The following ANKS1B variants were observed in gnomAD, a reference collection of about 807,000 sequenced individuals.
ANKS1B encodes ankyrin repeat and sterile alpha motif domain-containing protein 1B.
A neutral mutation model predicts 148.3 loss-of-function variants in ANKS1B; 36 were observed. The ratio of observed to expected loss-of-function variants is 0.24; its 90% CI spans 0.19 to 0.32. The LOEUF is 0.32. ANKS1B is among the 10% of genes least tolerant of loss of function. The pLI is 1.00. For synonymous variants in ANKS1B, 542 were observed against 560.8 expected, an observed-to-expected ratio of 0.97 and a Z score of 0.47; for missense variants, 1,157 against 1,542.6, an observed-to-expected ratio of 0.75 and a Z score of 4.19.
At chr12:99,163,410 T>C (rs1325092065) in intron 14 of ANKS1B, among the ~76,000 whole-genome samples, 5 of 152,030 alleles carry the variant, frequency 3.3e-5, no homozygotes, top group East Asian at 3.9e-4. Flanking sequence ...AGCCAGGTCA[T>C]TGGCACTGAA....
intron 17 of ANKS1B, among the ~76,000 whole-genome samples, chr12:98,850,459 A>AT (rs59294440): frequency 0.087 from 6,055 of 69,912 alleles, 1,446 homozygotes; most frequent in Middle Eastern, 0.15. Flanking sequence ...GAAGCATTGC[A>AT]TTTTTTTTTT....
chr12:99,374,361 C>T (rs921935144), intron 12 of ANKS1B, among the ~76,000 whole-genome samples: 2 of 152,068 alleles, frequency 1.3e-5, no homozygotes, highest in Admixed American at 1.3e-4. Context: ...TGGTTTCCTC[C>T]CACATCCCAG....
chr12:99,957,015 C>G (rs1194958631), intron 1 of ANKS1B, among the ~76,000 whole-genome samples: 1 of 152,206 alleles, frequency 6.6e-6, no homozygotes, highest in East Asian at 1.9e-4. Flanking sequence ...ACAGAGCTGG[C>G]TTTGAACCCA....
intron 9 of ANKS1B, among the ~76,000 whole-genome samples, chr12:99,558,928 T>A (rs1310167598): frequency 6.6e-6 from 1 of 152,174 alleles, no homozygotes; most frequent in African/African-American, 2.4e-5. Flanking sequence ...CTCAAGTGTC[T>A]GTGGGGATTG....
chr12:99,462,560 A>G (rs564397862), intron 10 of ANKS1B, among the ~76,000 whole-genome samples: 8 of 152,194 alleles, frequency 5.3e-5, no homozygotes, highest in Non-Finnish European at 1.0e-4. Flanking sequence ...GATTGAACTC[A>G]GTTGTTCTCA....
At chr12:98,789,718 A>G (rs1184563598) in intron 22 of ANKS1B, among the ~76,000 whole-genome samples, 2 of 152,232 alleles carry the variant, frequency 1.3e-5, no homozygotes, top group Non-Finnish European at 2.9e-5. Flanking sequence ...AGAATTGGAA[A>G]TGACAGAATG....
chr12:99,318,934 T>A (rs1200628638), intron 12 of ANKS1B, among the ~76,000 whole-genome samples: 1 of 152,174 alleles, frequency 6.6e-6, no homozygotes, highest in East Asian at 1.9e-4. Context: ...ATGTACCCAG[T>A]AGTCATTCAG....
intron 10 of ANKS1B, among the ~76,000 whole-genome samples, chr12:99,453,526 C>G (rs954442723): frequency 2.0e-5 from 3 of 152,106 alleles, no homozygotes; most frequent in Non-Finnish European, 4.4e-5. Context: ...TTAACAGCCA[C>G]GAGTTAGCTT....
At chr12:99,035,428 C>T (rs987651095) in intron 17 of ANKS1B, among the ~76,000 whole-genome samples, 8 of 152,152 alleles carry the variant, frequency 5.3e-5, no homozygotes, top group African/African-American at 1.9e-4. Flanking sequence ...TTTCTTCACT[C>T]AGTCTATTAG....
intron 10 of ANKS1B, among the ~76,000 whole-genome samples, chr12:99,499,918 G>C (rs2096639261): frequency 6.6e-6 from 1 of 151,910 alleles, no homozygotes; most frequent in Non-Finnish European, 1.5e-5. Context: ...CGTGGCATTA[G>C]CACCGAGATT....
At chr12:99,238,339 CG>C (rs1346936911) in intron 14 of ANKS1B, among the ~76,000 whole-genome samples, 1 of 152,106 alleles carries the variant, frequency 6.6e-6, no homozygotes, top group Non-Finnish European at 1.5e-5. Flanking sequence ...TGCAGCTTGA[CG>C]GGGGGAGGGG....
intron 1 of ANKS1B, among the ~76,000 whole-genome samples, chr12:99,879,081 G>A (rs989923885): frequency 6.6e-6 from 1 of 152,166 alleles, no homozygotes; most frequent in Non-Finnish European, 1.5e-5. Context: ...CTGCGTGCAT[G>A]TGGCCAAAGC....
At chr12:99,747,556 T>C (rs1376616209) in intron 8 of ANKS1B, among the ~76,000 whole-genome samples, 1 of 152,150 alleles carries the variant, frequency 6.6e-6, no homozygotes, top group Non-Finnish European at 1.5e-5. Context: ...GGATCCCCAT[T>C]GCCTATAAAA....
chr12:98,924,474 G>C (rs946320412), intron 17 of ANKS1B, among the ~76,000 whole-genome samples: 1 of 151,930 alleles, frequency 6.6e-6, no homozygotes, highest in Non-Finnish European at 1.5e-5. Flanking sequence ...AACTCTAAGT[G>C]TCCTTTGTGG....
In ANKS1B at chr12:98,744,228, A is replaced by T. The variant is rs2097834011; in HGVS notation, c.*1511T>A. ...ATACAAGGAACTGTTCAGTTCAAGT[A>T]ATTTAATATTGTATTAAAATTCTTC... On this transcript the variant is annotated 3_prime_UTR_variant, in exon 27 of 27. Coordinates refer to ENST00000683438, the MANE Select transcript of ANKS1B (RefSeq NM_001352186.2). The T allele has an allele frequency of 1.0e-6, 1 of 959,760 alleles. No homozygotes were observed. Among genetic ancestry groups the T allele is most frequent in the African/African-American group, 1.8e-5 (1 of 56,594 alleles). The allele number at this position is 959,760 out of a possible 1,614,324, so 59.5% of individuals were successfully genotyped here. A position where few individuals can be genotyped will look rare whatever the true frequency, so the allele number is the denominator to read the frequency against.
chr12:98,784,804 T>C (rs2098774825), intron 22 of ANKS1B, among the ~76,000 whole-genome samples: 1 of 152,244 alleles, frequency 6.6e-6, no homozygotes, highest in African/African-American at 2.4e-5. Context: ...TTTCTTTTTC[T>C]TCCATGGGTC....
chr12:98,864,835 C>T (rs1037918147), intron 17 of ANKS1B, among the ~76,000 whole-genome samples: 2 of 152,160 alleles, frequency 1.3e-5, no homozygotes, highest in Non-Finnish European at 2.9e-5. Context: ...AGAACACACG[C>T]TGTTTGGCCT....
At chr12:99,676,720 C>T (rs1599452095) in intron 8 of ANKS1B, among the ~76,000 whole-genome samples, 1 of 152,152 alleles carries the variant, frequency 6.6e-6, no homozygotes, top group Admixed American at 6.5e-5. Flanking sequence ...TAGGCCTTTG[C>T]TTCCAGAAAT....
At chr12:99,367,099 C>G (rs2092808720) in intron 12 of ANKS1B, among the ~76,000 whole-genome samples, 1 of 152,038 alleles carries the variant, frequency 6.6e-6, no homozygotes, top group Non-Finnish European at 1.5e-5. Flanking sequence ...GTGTGACAAC[C>G]AAAAATACTT....
Sources: allele counts gnomAD v4.1 joint callset (sites outside exome capture counted in the v4.1 genomes callset), GRCh38; gene constraint gnomAD v4.1.1; transcripts MANE v1.5; gene names NCBI Gene and HGNC (gene_info 2026-07-23, HGNC 2026-07-21).